The following GNAI1 variants were observed in gnomAD, a reference collection of about 807,000 sequenced individuals.
The protein encoded by GNAI1 is guanine nucleotide-binding protein G(i) subunit alpha-1.
In GNAI1, 11 loss-of-function variants were observed where a neutral mutation model predicts 38.9. The observed-to-expected ratio is 0.28, with a 90% CI of 0.18 to 0.47. GNAI1 has a LOEUF of 0.47. Among genes scored for constraint, GNAI1 ranks in the 20% least tolerant of loss-of-function variants. The pLI is 0.99. For missense variants in GNAI1, 317 were observed against 436.9 expected (o/e 0.73, Z 2.45); for synonymous variants, 166 against 145.1 (o/e 1.14, Z -1.04).
chr7:80,151,963 G>A (rs1293868075), intron 1 of GNAI1, among the ~76,000 whole-genome samples: 1 of 152,172 alleles, frequency 6.6e-6, no homozygotes, highest in Non-Finnish European at 1.5e-5. Context: ...AGCTATTAAA[G>A]GGCACAAGCA....
At chr7:80,149,585 G>A (rs1787689198) in intron 1 of GNAI1, among the ~76,000 whole-genome samples, 1 of 152,030 alleles carries the variant, frequency 6.6e-6, no homozygotes, top group Non-Finnish European at 1.5e-5. Context: ...GATTTGCTGA[G>A]GGGCAGTAGA....
At chr7:80,217,226 G>T (rs1788987513) in intron 7 of GNAI1, 77 bp from the exon 8 acceptor site, 3 of 947,130 alleles carry the variant, frequency 3.2e-6, no homozygotes, top group South Asian at 1.9e-5. Context: ...AGTTTCATAT[G>T]TATGAAACTG....
chr7:80,206,599 T>C (rs1245630283), intron 5 of GNAI1, among the ~76,000 whole-genome samples: 1 of 152,014 alleles, frequency 6.6e-6, no homozygotes, highest in African/African-American at 2.4e-5. Context: ...TTTAACCTAG[T>C]ATACCTTAGA....
chr7:80,191,313 G>A (rs769597878), intron 3 of GNAI1, among the ~76,000 whole-genome samples: 21 of 152,002 alleles, frequency 1.4e-4, no homozygotes, highest in Non-Finnish European at 2.9e-4. Flanking sequence ...ACTGAGTGTT[G>A]AAACATGAAT....
At chr7:80,186,720 C>A (rs143896774) in intron 1 of GNAI1, among the ~76,000 whole-genome samples, 1 of 152,100 alleles carries the variant, frequency 6.6e-6, no homozygotes, top group African/African-American at 2.4e-5. Context: ...TCCCTGTGTA[C>A]GAATCCTGGG....
rs140700715 is a variant in GNAI1 at position 80,202,094 on chromosome 7, G to T, written c.462-1610G>T. Among the ~76,000 whole-genome samples, 533 of 151,824 alleles carry T rather than the reference G, an allele frequency of 3.5e-3. 2 individuals carry two copies. The highest frequency in any genetic ancestry group is 0.012 in the African/African-American group (503 of 41,420). On this transcript the variant is annotated intron_variant, in intron 4 of 7. Transcript: ENST00000649796. ...AGTTTTTTTGTTGTTGTTGTTTCTG[G>T]TTTTTTTGTTTTTTGAGATGGAGTC...
intron 1 of GNAI1, among the ~76,000 whole-genome samples, chr7:80,175,897 C>A (rs1788175485): frequency 6.6e-6 from 1 of 152,104 alleles, no homozygotes; most frequent in Admixed American, 6.5e-5. Context: ...ATTACTAACC[C>A]TGCAGAGTGG....
chr7:80,193,495 A>C (rs1788516101), intron 3 of GNAI1, among the ~76,000 whole-genome samples: 1 of 152,220 alleles, frequency 6.6e-6, no homozygotes, highest in Admixed American at 6.5e-5. Flanking sequence ...GCTTTCGTAG[A>C]ATGAGGATAG....
chr7:80,153,813 C>T (rs2116108040), intron 1 of GNAI1, among the ~76,000 whole-genome samples: 1 of 152,246 alleles, frequency 6.6e-6, no homozygotes, highest in African/African-American at 2.4e-5. Flanking sequence ...TCTGTAACTT[C>T]TTTGTTTCCT....
intron 1 of GNAI1, chr7:80,187,191 GTGTGTGTGTGTGTGTCTTTGTGT>G (rs1788399501): frequency 2.8e-4 from 8 of 28,210 alleles, no homozygotes; most frequent in East Asian, 3.7e-3. Context: ...ATTTGGGTGT[GTGTGTGTGTGTGTGTCTTTGTGT>G]GTGTGTGTGT....
chr7:80,212,655 AAAAT>A, intron 6 of GNAI1, 57 bp from the exon 7 acceptor site: 1 of 1,007,468 alleles, frequency 9.9e-7, no homozygotes, highest in Non-Finnish European at 1.4e-6. Context: ...TTTATTTTTT[AAAAT>A]AGTCCTCAAA....
In GNAI1 at chr7:80,137,635, C is replaced by T. The variant is rs533595799; in HGVS notation, c.118+2357C>T. Among the ~76,000 whole-genome samples the T allele has an allele frequency of 2.0e-3, 308 of 152,260 alleles. 3 individuals are homozygous for T. Among genetic ancestry groups the T allele is most frequent in the African/African-American group, 7.1e-3 (293 of 41,550 alleles). ...TTGCCCGGCCAGAATTCTTATTTCT[C>T]TAAACCAGTACTGGTACCATTGGAA... On this transcript the variant is annotated intron_variant, in intron 1 of 7. Transcript: ENST00000649796.
chr7:80,219,027 T>TTTTGTGTGTGTGTGTGTG lies in GNAI1; in HGVS notation c.*1535_*1536insTTGTGTGTGTGTGTGTGT, dbSNP rs1554353980. 6.9e-6 allele frequency: 1 copy of TTTTGTGTGTGTGTGTGTG among 145,836 alleles called. No individual in the cohort carries two copies. The highest frequency in any genetic ancestry group is 2.5e-5 in the African/African-American group (1 of 39,220). The allele number at this position is 145,836 out of a possible 1,614,324, so 9.0% of individuals were successfully genotyped here. A position where few individuals can be genotyped will look rare whatever the true frequency, so the allele number is the denominator to read the frequency against. On this transcript the variant is annotated 3_prime_UTR_variant, in exon 8 of 8. Coordinates refer to ENST00000649796, the MANE Select transcript of GNAI1 (RefSeq NM_002069.6). ...GTGTTGTCACTGGGTTGAAGTATAT[T>TTTTGTGTGTGTGTGTGTG]TGTGTGTGTGTGTGTGTGTGTGTGT...
chr7:80,154,191 G>T (rs1040766853), intron 1 of GNAI1, among the ~76,000 whole-genome samples: 9 of 152,118 alleles, frequency 5.9e-5, no homozygotes, highest in Non-Finnish European at 4.4e-5. Context: ...CCAAAGTGCT[G>T]GGATTTACGG....
At chr7:80,178,184 A>G (rs1194419508) in intron 1 of GNAI1, among the ~76,000 whole-genome samples, 2 of 152,214 alleles carry the variant, frequency 1.3e-5, no homozygotes, top group African/African-American at 2.4e-5. Context: ...ATAAAACTTT[A>G]AGGAAAGAGG....
chr7:80,201,260 C>T (rs1246344526), intron 4 of GNAI1, among the ~76,000 whole-genome samples: 1 of 152,184 alleles, frequency 6.6e-6, no homozygotes, highest in African/African-American at 2.4e-5. Context: ...GAGAAGATTG[C>T]TTTGAGTCGA....
chr7:80,149,237 ATTCCATAATT>A (rs1272811764), intron 1 of GNAI1, among the ~76,000 whole-genome samples: 1 of 152,136 alleles, frequency 6.6e-6, no homozygotes, highest in Non-Finnish European at 1.5e-5. Flanking sequence ...TTTTACAGAT[ATTCCATAATT>A]TGTTTAATCA....
At chr7:80,211,517 A>G (rs983011520) in intron 6 of GNAI1, among the ~76,000 whole-genome samples, 6 of 151,206 alleles carry the variant, frequency 4.0e-5, no homozygotes, top group Non-Finnish European at 2.9e-5. Context: ...TCCCAGGTTC[A>G]AGCCAGTTCT....
chr7:80,136,420 A>G (rs988159486), intron 1 of GNAI1, among the ~76,000 whole-genome samples: 11 of 152,194 alleles, frequency 7.2e-5, no homozygotes, highest in Non-Finnish European at 5.9e-5. Flanking sequence ...ATGACTGCAG[A>G]AAAAATGGTG....
Sources: allele counts gnomAD v4.1 joint callset (sites outside exome capture counted in the v4.1 genomes callset), GRCh38; gene constraint gnomAD v4.1.1; transcripts MANE v1.5; gene names NCBI Gene and HGNC (gene_info 2026-07-23, HGNC 2026-07-21).